Variants in SRGAP2C observed in about 807,000 individuals in gnomAD.
SRGAP2C encodes SLIT-ROBO Rho GTPase activating protein 2C, also known as SLIT-ROBO Rho GTPase-activating protein 2C.
Under a neutral mutation model 25.1 loss-of-function variants are expected in SRGAP2C, and 15 were observed. That is an observed-to-expected ratio of 0.60 (90% CI 0.40 to 0.92). The LOEUF is 0.92. Among genes scored for constraint, SRGAP2C ranks in the 40% least tolerant of loss-of-function variants. SRGAP2C has a pLI of 0.00. For synonymous variants in SRGAP2C, 44 were observed against 96.6 expected (o/e 0.46, Z 3.19); for missense variants, 144 against 264.4 (o/e 0.54, Z 3.16).
At chr1:121,192,396 G>A (rs201914533) in intron 2 of SRGAP2C, among the ~76,000 whole-genome samples, 1,601 of 152,148 alleles carry the variant, frequency 0.011, 27 homozygotes, top group East Asian at 0.07. Context: ...AACAAAAAAA[G>A]CTACTCTGCA....
At chr1:121,202,230 A>G (rs1170422087) in intron 2 of SRGAP2C, among the ~76,000 whole-genome samples, 1 of 152,040 alleles carries the variant, frequency 6.6e-6, no homozygotes, top group East Asian at 1.9e-4. Context: ...CATTTGCTTC[A>G]TTTGGGTTCT....
chr1:121,207,377 C>A (rs1553322719), intron 2 of SRGAP2C, among the ~76,000 whole-genome samples: 12 of 151,048 alleles, frequency 7.9e-5, no homozygotes. Flanking sequence ...TTATGAGGGT[C>A]AGCTGGGAAT....
intron 4 of SRGAP2C, among the ~76,000 whole-genome samples, chr1:121,339,132 C>T (rs1480554625): frequency 6.6e-6 from 1 of 151,400 alleles, no homozygotes. Flanking sequence ...TTTGGAGAAG[C>T]ATTTTTATCA....
chr1:121,335,836 T>C (rs1209220737), intron 4 of SRGAP2C, among the ~76,000 whole-genome samples: 1 of 151,634 alleles, frequency 6.6e-6, no homozygotes, highest in African/African-American at 2.4e-5. Flanking sequence ...TTTTTTTACA[T>C]GCCTACTAAT....
chr1:121,282,667 A>G (rs1657275014), intron 2 of SRGAP2C, among the ~76,000 whole-genome samples: 2 of 151,160 alleles, frequency 1.3e-5, no homozygotes, highest in African/African-American at 2.4e-5. Flanking sequence ...CCATTCTCCC[A>G]CCTCAGCCTC....
intron 2 of SRGAP2C, among the ~76,000 whole-genome samples, chr1:121,267,033 AC>A (rs1435943870): frequency 2.0e-5 from 3 of 147,158 alleles, no homozygotes; most frequent in Non-Finnish European, 4.5e-5. Context: ...GGGACAGGAA[AC>A]TTTCCTGGTG....
chr1:121,306,911 C>T (rs1210240649), intron 3 of SRGAP2C, among the ~76,000 whole-genome samples: 1 of 151,954 alleles, frequency 6.6e-6, no homozygotes, highest in Non-Finnish European at 1.5e-5. Flanking sequence ...TTTCACAGAA[C>T]AATACTTATC....
intron 2 of SRGAP2C, among the ~76,000 whole-genome samples, chr1:121,283,830 T>A (rs1657303817): frequency 6.6e-6 from 1 of 151,770 alleles, no homozygotes. Context: ...TTCCTGTGAG[T>A]GCCAGGTCTC....
chr1:121,275,054 G>A (rs1657070304), intron 2 of SRGAP2C, among the ~76,000 whole-genome samples: 1 of 145,962 alleles, frequency 6.9e-6, no homozygotes, highest in Non-Finnish European at 1.5e-5. Flanking sequence ...CCCCACCCAA[G>A]GTCTCAAGAG....
intron 8 of SRGAP2C, among the ~76,000 whole-genome samples, chr1:121,385,831 C>T (rs1467690814): frequency 1.3e-5 from 2 of 150,682 alleles, no homozygotes; most frequent in South Asian, 2.1e-4. Flanking sequence ...ACAGCCATTC[C>T]TTCACACAGG....
At chr1:121,219,038 A>G (rs1197533009) in intron 2 of SRGAP2C, among the ~76,000 whole-genome samples, 1 of 152,218 alleles carries the variant, frequency 6.6e-6, no homozygotes, top group Non-Finnish European at 1.5e-5. Flanking sequence ...ACTTGCCTTC[A>G]AATTTCTTCC....
chr1:121,335,391 A>AAAG (rs1658492086), intron 4 of SRGAP2C, among the ~76,000 whole-genome samples: 1 of 135,314 alleles, frequency 7.4e-6, no homozygotes. Context: ...AATAAATAAA[A>AAAG]CAACCAATTC....
At chr1:121,360,406 G>GTA (rs1200152137) in intron 4 of SRGAP2C, 1 of 28,042 alleles carries the variant, frequency 3.6e-5, no homozygotes, top group Non-Finnish European at 7.3e-5. Context: ...CCGTCTCATG[G>GTA]TATCCTCACC....
chr1:121,323,598 AGAGT>A (rs1658255168), intron 3 of SRGAP2C, among the ~76,000 whole-genome samples: 1 of 107,966 alleles, frequency 9.3e-6, no homozygotes, highest in Non-Finnish European at 1.8e-5. Flanking sequence ...CCTGGGTGAC[AGAGT>A]GAGACTTTGT....
chr1:121,235,626 GT>G (rs60027326), intron 2 of SRGAP2C, among the ~76,000 whole-genome samples: 881 of 45,732 alleles, frequency 0.019, 309 homozygotes, highest in African/African-American at 0.12. Flanking sequence ...TGCTTTTTCT[GT>G]TTTTTTTTTT....
At chr1:121,236,465 AGTT>A (rs1361932008) in intron 2 of SRGAP2C, among the ~76,000 whole-genome samples, 1 of 151,246 alleles carries the variant, frequency 6.6e-6, no homozygotes, top group Non-Finnish European at 1.5e-5. Context: ...TGGTTAGAAT[AGTT>A]GTCCCAACTC....
intron 2 of SRGAP2C, among the ~76,000 whole-genome samples, chr1:121,212,433 A>G (rs1235810828): frequency 6.6e-6 from 1 of 152,052 alleles, no homozygotes; most frequent in African/African-American, 2.4e-5. Context: ...CCCAGCCCAG[A>G]ATGGTATTCT....
intron 4 of SRGAP2C, among the ~76,000 whole-genome samples, chr1:121,335,247 A>G (rs2101619629): frequency 1.3e-5 from 2 of 150,286 alleles, no homozygotes; most frequent in South Asian, 2.1e-4. Context: ...AGGCTGAGGC[A>G]GGAGAATCAC....
At chr1:121,210,214 T>A (rs1655216316) in intron 2 of SRGAP2C, among the ~76,000 whole-genome samples, 1 of 151,710 alleles carries the variant, frequency 6.6e-6, no homozygotes, top group Admixed American at 6.6e-5. Context: ...TATTCCCGAG[T>A]TGGATAAATT....
Sources: gnomAD v4.1 joint callset for allele counts (sites outside exome capture counted in the v4.1 genomes callset) on GRCh38, gnomAD v4.1.1 for gene constraint, MANE v1.5 for transcripts, NCBI Gene and HGNC (gene_info 2026-07-23, HGNC 2026-07-21) for gene names.